CSMD1: variants seen among roughly 807,000 people sequenced by gnomAD.
CSMD1 encodes the protein CUB and Sushi multiple domains 1.
In CSMD1, 213 loss-of-function variants were observed where a neutral mutation model predicts 417.5. The observed-to-expected ratio is 0.51, with a 90% CI of 0.46 to 0.57. CSMD1 has a LOEUF of 0.57. CSMD1 is among the 20% of genes least tolerant of loss of function. CSMD1 has a pLI of 0.00. For synonymous variants in CSMD1, 2,862 were observed against 1,736.8 expected (o/e 1.65, Z -16.11); for missense variants, 6,923 against 4,529.7 (o/e 1.53, Z -15.17).
intron 6 of CSMD1, among the ~76,000 whole-genome samples, chr8:3,728,948 T>C (rs1000729525): frequency 1.3e-5 from 2 of 152,158 alleles, no homozygotes; most frequent in Admixed American, 1.3e-4. Flanking sequence ...ATAATGCAAA[T>C]GAGTGCCGTT....
chr8:4,564,995 G>C (rs1203345900), intron 2 of CSMD1, among the ~76,000 whole-genome samples: 2 of 152,090 alleles, frequency 1.3e-5, no homozygotes, highest in East Asian at 1.9e-4. Context: ...GGAACCCTTG[G>C]AGTTACTGTA....
chr8:2,982,173 C>A (rs541093460), intron 54 of CSMD1, among the ~76,000 whole-genome samples: 103 of 152,110 alleles, frequency 6.8e-4, no homozygotes, highest in African/African-American at 2.1e-3. Context: ...CTGGCCAACA[C>A]GGCGAAACCC....
chr8:3,894,279 C>T (rs1807197209), intron 5 of CSMD1, among the ~76,000 whole-genome samples: 1 of 152,184 alleles, frequency 6.6e-6, no homozygotes, highest in Admixed American at 6.5e-5. Context: ...TAATCTACTT[C>T]CTGTGCACCT....
intron 26 of CSMD1, among the ~76,000 whole-genome samples, chr8:3,232,934 G>A (rs967607739): frequency 2.1e-5 from 3 of 143,582 alleles, no homozygotes; most frequent in African/African-American, 2.5e-5. Flanking sequence ...AGGTATTTCA[G>A]TTATTTAAAA....
At chr8:3,262,508 G>T (rs1488147482) in intron 26 of CSMD1, among the ~76,000 whole-genome samples, 1 of 150,906 alleles carries the variant, frequency 6.6e-6, no homozygotes, top group Non-Finnish European at 1.5e-5. Flanking sequence ...TATCCAAGAG[G>T]CGCTATAAAT....
chr8:3,337,920 G>C (rs568290210), intron 23 of CSMD1, among the ~76,000 whole-genome samples: 1 of 152,164 alleles, frequency 6.6e-6, no homozygotes, highest in East Asian at 1.9e-4. Flanking sequence ...AATCACTGGT[G>C]CTTTGTGGAA....
At chr8:3,652,117 T>TACC (rs34454776) in intron 7 of CSMD1, among the ~76,000 whole-genome samples, 60,142 of 125,414 alleles carry the variant, frequency 0.48, 13,998 homozygotes, top group Non-Finnish European at 0.51. Flanking sequence ...TCAGCACGCT[T>TACC]ACCATCAGAG....
intron 4 of CSMD1, among the ~76,000 whole-genome samples, chr8:4,017,644 T>G (rs1258193619): frequency 1.3e-5 from 2 of 152,160 alleles, no homozygotes; most frequent in Non-Finnish European, 2.9e-5. Context: ...TAGAAAATAT[T>G]AGAGAGTTCT....
At chr8:3,512,123 G>A (rs1212454786) in intron 10 of CSMD1, among the ~76,000 whole-genome samples, 1 of 152,146 alleles carries the variant, frequency 6.6e-6, no homozygotes, top group African/African-American at 2.4e-5. Flanking sequence ...TGCCTGGACT[G>A]TGGCCCCAAC....
At chr8:4,593,183 A>G (rs943264753) in intron 2 of CSMD1, among the ~76,000 whole-genome samples, 2 of 152,206 alleles carry the variant, frequency 1.3e-5, no homozygotes, top group African/African-American at 4.8e-5. Flanking sequence ...ACTGAAGTGC[A>G]TACAAATGGG....
In CSMD1 at chr8:4,504,477, G is replaced by C. The variant is rs188063169; in HGVS notation, c.303-84412C>G. Among the ~76,000 whole-genome samples the C allele has an allele frequency of 2.0e-5, 3 of 152,220 alleles. No individual in the cohort carries two copies. The East Asian group carries it at 5.8e-4, about 29-fold the overall frequency. ...TAAGAAAGTAGATCTCATGTGAAGTGTTCTTTATTTAAGTTCTGGAATACA... is the reference window on the plus strand; with the variant it reads ...TAAGAAAGTAGATCTCATGTGAAGTCTTCTTTATTTAAGTTCTGGAATACA... On this transcript the variant is annotated intron_variant, in intron 2 of 69. Coordinates refer to ENST00000635120, the MANE Select transcript of CSMD1 (RefSeq NM_033225.6).
At chr8:3,536,381 T>C (rs1030882281) in intron 10 of CSMD1, among the ~76,000 whole-genome samples, 1 of 152,212 alleles carries the variant, frequency 6.6e-6, no homozygotes, top group African/African-American at 2.4e-5. Flanking sequence ...TCCATGACCA[T>C]TGATTCTACT....
intron 3 of CSMD1, among the ~76,000 whole-genome samples, chr8:4,130,111 C>T (rs964834991): frequency 3.9e-5 from 6 of 152,096 alleles, no homozygotes; most frequent in African/African-American, 1.4e-4. Context: ...GCTCCATCAC[C>T]ATGGAGTCAC....
At chr8:3,681,295 A>G (rs1418138184) in intron 7 of CSMD1, among the ~76,000 whole-genome samples, 6 of 152,174 alleles carry the variant, frequency 3.9e-5, no homozygotes, top group Admixed American at 1.3e-4. Context: ...AAACCCCATC[A>G]TCTCAGCACA....
rs1168273531 is a variant in CSMD1, at chr8:4,799,598, C to CAAAAAAAAAAAA, written c.86-162052_86-162041dup. ...TGTGTGAGAGAGCAAGACTCCGTCT[C>CAAAAAAAAAAAA]AAAAAAAAAAAAAAAAAAAAAAAAA... is the stretch of plus-strand genomic sequence containing the variant. On this transcript the variant is annotated intron_variant, in intron 1 of 69. Transcript: ENST00000635120. Among the ~76,000 whole-genome samples the CAAAAAAAAAAAA allele has an allele frequency of 5.9e-4, 28 of 47,174 alleles. 1 individual carries two copies. Among genetic ancestry groups the CAAAAAAAAAAAA allele is most frequent in the Non-Finnish European group, 8.1e-4 (24 of 29,596 alleles). 30.9% of individuals were successfully genotyped at this position (47,174 alleles called of 152,430 possible).
intron 3 of CSMD1, among the ~76,000 whole-genome samples, chr8:4,110,473 C>G (rs1027736545): frequency 2.0e-5 from 3 of 152,080 alleles, no homozygotes; most frequent in Non-Finnish European, 4.4e-5. Flanking sequence ...CATAAATACT[C>G]CAAGAAATGT....
At position 3,966,721 on chromosome 8, in the gene CSMD1, T is replaced by TCA. The variant is rs748552047; in HGVS notation, c.818+31180_818+31181dup. On this transcript the variant is annotated intron_variant, in intron 5 of 69. Transcript: ENST00000635120. ...GCCATGCCTGGCAGGCTGCAGGCAT[T>TCA]CACACACACAGACACACACACACAC... Among the ~76,000 whole-genome samples the TCA allele has an allele frequency of 3.5e-3, 467 of 134,250 alleles. 1 individual carries two copies. The highest frequency in any genetic ancestry group is 5.7e-3 in the Non-Finnish European group (365 of 64,502). The allele number at this position is 134,250 out of a possible 152,430, so 88.1% of individuals were successfully genotyped here.
chr8:3,380,119 C>A (rs1810542508), intron 18 of CSMD1, among the ~76,000 whole-genome samples: 1 of 152,120 alleles, frequency 6.6e-6, no homozygotes, highest in Non-Finnish European at 1.5e-5. Flanking sequence ...ATTTATGCAG[C>A]CAACAAACAT....
intron 3 of CSMD1, among the ~76,000 whole-genome samples, chr8:4,283,045 G>A (rs1379975671): frequency 6.6e-6 from 1 of 151,960 alleles, no homozygotes; most frequent in African/African-American, 2.4e-5. Flanking sequence ...TAAAAAAAAT[G>A]CCTGATAGTT....
Sources: allele counts gnomAD v4.1 joint callset (sites outside exome capture counted in the v4.1 genomes callset), GRCh38; gene constraint gnomAD v4.1.1; transcripts MANE v1.5; gene names NCBI Gene and HGNC (gene_info 2026-07-23, HGNC 2026-07-21).